Variants in ASH1L observed in about 807,000 individuals in gnomAD.
ASH1L encodes ASH1 like histone lysine methyltransferase, also known as histone-lysine N-methyltransferase ASH1L.
A neutral mutation model predicts 269.0 loss-of-function variants in ASH1L; 23 were observed. The observed-to-expected ratio is 0.09, with a 90% CI of 0.06 to 0.12. The LOEUF (loss-of-function observed/expected upper bound fraction) is 0.12, where lower values mean the gene tolerates loss of function less well. ASH1L is among the 10% of genes least tolerant of loss of function. ASH1L has a pLI of 1.00. For synonymous variants in ASH1L, 1,187 were observed against 1,253.5 expected (o/e 0.95, Z 1.12); for missense variants, 2,912 against 3,567.8 (o/e 0.82, Z 4.68).
intron 7 of ASH1L, among the ~76,000 whole-genome samples, chr1:155,395,184 C>T (rs1455644377): frequency 6.6e-6 from 1 of 152,160 alleles, no homozygotes; most frequent in Non-Finnish European, 1.5e-5. Context: ...CCACCTGCTT[C>T]AGCCTCCCAA....
rs148211803 is a variant in ASH1L at position 155,510,097 on chromosome 1, C to G, written c.420+11003G>C. 5.7e-3 allele frequency among the ~76,000 whole-genome samples: 864 copies of G among 152,122 alleles called. 7 individuals are homozygous for G. The highest frequency in any genetic ancestry group is 0.02 in the African/African-American group (810 of 41,502). On this transcript the variant is annotated intron_variant, in intron 2 of 27. Transcript: ENST00000392403. ...CATGGCAAAATAACATAACCAAAGT[C>G]TAAAGACAAATAACAAACTGGAAAA...
chr1:155,424,777 T>C (rs1660995862), intron 5 of ASH1L, among the ~76,000 whole-genome samples: 1 of 152,182 alleles, frequency 6.6e-6, no homozygotes, highest in Non-Finnish European at 1.5e-5. Context: ...AATGGCGTCA[T>C]GTATAGTTTG....
intron 6 of ASH1L, among the ~76,000 whole-genome samples, chr1:155,402,639 T>G (rs1658947120): frequency 6.6e-6 from 1 of 152,118 alleles, no homozygotes; most frequent in Non-Finnish European, 1.5e-5. Context: ...CTTGAACTCC[T>G]AAGGCTCAAG....
In ASH1L at chr1:155,343,088, T is replaced by C; in HGVS notation, c.8293+226A>G. On this transcript the variant is annotated intron_variant, in intron 24 of 27. Transcript: ENST00000392403. This position sits in a 1 kb window ranked among gnomAD's most constrained non-coding sequence, Gnocchi z 6.1. ...GTGCAGTGGTGCGATCTTGGCTCAC[T>C]GCAACCTCTGCCTCCCAGGCTCAGC... 1 of 460,026 alleles carries C rather than the reference T, an allele frequency of 2.2e-6. No individual in the cohort carries two copies. Among genetic ancestry groups the C allele is most frequent in the Admixed American group, 3.9e-5 (1 of 25,686 alleles). The allele number at this position is 460,026 out of a possible 1,614,324, so 28.5% of individuals were successfully genotyped here.
intron 2 of ASH1L, among the ~76,000 whole-genome samples, chr1:155,514,849 G>T (rs568955888): frequency 1.6e-4 from 25 of 151,926 alleles, no homozygotes; most frequent in African/African-American, 2.7e-4. Context: ...AGTTGCCGAG[G>T]AACTCGGCAA....
chr1:155,460,031 CT>C (rs1664173390), intron 3 of ASH1L, 133 bp from the exon 4 acceptor site: 1 of 624,100 alleles, frequency 1.6e-6, no homozygotes, highest in Non-Finnish European at 2.7e-6. Flanking sequence ...GACTTGTAAC[CT>C]GATATTAGGA....
chr1:155,403,092 G>C (rs1327194495), intron 6 of ASH1L, among the ~76,000 whole-genome samples: 1 of 151,890 alleles, frequency 6.6e-6, no homozygotes, highest in African/African-American at 2.4e-5. Flanking sequence ...GGCTGAGACA[G>C]GAGAATCGCT....
chr1:155,527,215 AAG>A (rs1669323177), intron 1 of ASH1L, among the ~76,000 whole-genome samples: 1 of 152,140 alleles, frequency 6.6e-6, no homozygotes, highest in Non-Finnish European at 1.5e-5. Context: ...CTCAAAAAAA[AAG>A]AAAAAAAAAA....
chr1:155,475,920 C>G (rs758243066), intron 3 of ASH1L, among the ~76,000 whole-genome samples: 1 of 152,114 alleles, frequency 6.6e-6, no homozygotes, highest in Non-Finnish European at 1.5e-5. Flanking sequence ...TATTATCTAC[C>G]TCCTCTACTA....
rs112676810 is a variant in ASH1L at position 155,470,552 on chromosome 1, C to CTT, written c.4984+7332_4984+7333dup. Reference sequence around the variant, plus strand: ...AAATCAACTTTAAAGCAGAAATTACCTTTTTTTTTTTTTTTCTGAGACAGA... The same window carrying CTT: ...AAATCAACTTTAAAGCAGAAATTACCTTTTTTTTTTTTTTTTTCTGAGACAGA... On this transcript the variant is annotated intron_variant, in intron 3 of 27. Transcript: ENST00000392403. Among the ~76,000 whole-genome samples, 1,258 of 137,466 alleles carry CTT rather than the reference C, an allele frequency of 9.2e-3. 24 individuals are homozygous for CTT. The highest frequency in any genetic ancestry group is 0.024 in the African/African-American group (893 of 36,874). 90.2% of individuals were successfully genotyped at this position (137,466 alleles called of 152,430 possible). A position where few individuals can be genotyped will look rare whatever the true frequency, so the allele number is the denominator to read the frequency against.
intron 2 of ASH1L, among the ~76,000 whole-genome samples, chr1:155,496,716 G>A (rs1247149777): frequency 6.6e-6 from 1 of 152,080 alleles, no homozygotes; most frequent in Non-Finnish European, 1.5e-5. Flanking sequence ...GTGGCTCATT[G>A]TAGCCTTGAC....
intron 12 of ASH1L, among the ~76,000 whole-genome samples, chr1:155,362,375 A>G (rs2148390329): frequency 6.6e-6 from 1 of 151,932 alleles, no homozygotes; most frequent in East Asian, 1.9e-4. Flanking sequence ...CCTGGGCAAC[A>G]TAGTGAGACC....
chr1:155,487,522 T>C (rs1277472388), intron 2 of ASH1L, among the ~76,000 whole-genome samples: 2 of 152,046 alleles, frequency 1.3e-5, no homozygotes, highest in Non-Finnish European at 2.9e-5. Flanking sequence ...CAAGCCACCA[T>C]GTCTGGCTAA....
Position 155,343,631 on chromosome 1 carries a change from C to A in ASH1L, c.8093G>T (p.Arg2698Leu). The A allele has an allele frequency of 6.2e-7, 1 of 1,614,106 alleles. No homozygotes were observed. Among genetic ancestry groups the A allele is most frequent in the Non-Finnish European group, 8.5e-7 (1 of 1,180,012 alleles). The change falls in exon 23 of 28, where the codon CGC becomes CTC. Residue 2698 changes from arginine to leucine, a missense_variant. By Grantham distance (102) the Arg-to-Leu change is moderately radical. Transcript: ENST00000392403. This position sits in a 1 kb window ranked among gnomAD's most constrained non-coding sequence, Gnocchi z 6.1. ...HINRDKLDIF[R>L]IEKLWKNEKE... is the part of the protein sequence containing the mutation. ...TTCATTCTTCCAAAGCTTCTCAATG[C>A]GAAAGATGTCAAGTTTATCTCGGTT... is the stretch of plus-strand genomic sequence containing the variant.
intron 2 of ASH1L, among the ~76,000 whole-genome samples, chr1:155,490,164 C>T (rs1666662694): frequency 6.6e-6 from 1 of 151,610 alleles, no homozygotes; most frequent in African/African-American, 2.4e-5. Flanking sequence ...TGGGGTTTCA[C>T]CGTGTTAGCC....
chr1:155,541,787 T>A (rs1240644611), intron 1 of ASH1L, among the ~76,000 whole-genome samples: 1 of 152,154 alleles, frequency 6.6e-6, no homozygotes, highest in African/African-American at 2.4e-5. Flanking sequence ...ACTACTAGAT[T>A]AAATGTAAAC....
At position 155,370,643 on chromosome 1, in the gene ASH1L, T is replaced by C; in HGVS notation, c.6547A>G (p.Met2183Val). ...VVSEQEFRNR[M>V]IEQYHNHSDH... ...CTGTGATTATGATACTGCTCAATCA[T>C]CCTGTTCCTAAAGAGAAGATAAATG... Residue 2183 changes from methionine (M) to valine (V), a missense_variant, in exon 12 of 28, where the codon ATG (methionine) becomes GTG (valine). Coordinates refer to ENST00000392403, the MANE Select transcript of ASH1L (RefSeq NM_018489.3). 1 of 1,614,116 alleles carries C rather than the reference T, an allele frequency of 6.2e-7. No individual in the cohort carries two copies. The highest frequency in any genetic ancestry group is 8.5e-7 in the Non-Finnish European group (1 of 1,180,010).
At chr1:155,510,278 G>A (rs1331507686) in intron 2 of ASH1L, among the ~76,000 whole-genome samples, 1 of 151,522 alleles carries the variant, frequency 6.6e-6, no homozygotes, top group Non-Finnish European at 1.5e-5. Flanking sequence ...CCCAGGCGTG[G>A]TGGTGCACAC....
At chr1:155,346,504 G>A in intron 20 of ASH1L, 35 bp from the exon 21 acceptor site, 1 of 1,579,478 alleles carries the variant, frequency 6.3e-7, no homozygotes. Context: ...GAACATGGAG[G>A]CTATGACTTA....
Sources: allele counts gnomAD v4.1 joint callset (sites outside exome capture counted in the v4.1 genomes callset), GRCh38; gene constraint gnomAD v4.1.1; non-coding constraint Gnocchi (gnomAD v3.1); transcripts MANE v1.5; gene names NCBI Gene and HGNC (gene_info 2026-07-23, HGNC 2026-07-21).